Variants in RAB38 observed in about 807,000 individuals in gnomAD.
The protein encoded by RAB38 is RAB38, member RAS oncogene family.
Under a neutral mutation model 18.4 loss-of-function variants are expected in RAB38, and 15 were observed. That is an observed-to-expected ratio of 0.82 (90% CI 0.55 to 1.26). The LOEUF is 1.26. RAB38 is among the 50% of genes most tolerant of loss of function. The pLI, the probability that RAB38 is intolerant of heterozygous loss-of-function variation, is 0.00. For missense variants in RAB38, 294 were observed against 267.4 expected (o/e 1.10, Z -0.69); for synonymous variants, 101 against 104.4 (o/e 0.97, Z 0.20).
the RAB38 span, among the ~76,000 whole-genome samples, chr11:87,866,890 T>C: frequency 6.6e-6 from 1 of 151,722 alleles, no homozygotes; most frequent in South Asian, 2.1e-4. Flanking sequence ...GGAGACTTGG[T>C]CAAGTTGGAG....
the RAB38 span, among the ~76,000 whole-genome samples, chr11:87,953,579 AT>A: frequency 6.6e-6 from 1 of 151,970 alleles, no homozygotes; most frequent in African/African-American, 2.4e-5. Flanking sequence ...TTACATTATT[AT>A]TATTTATTGT....
the RAB38 span, among the ~76,000 whole-genome samples, chr11:87,947,674 C>T: frequency 0.011 from 1,640 of 152,124 alleles, 28 homozygotes; most frequent in African/African-American, 0.034. Flanking sequence ...GTTTTTGTCA[C>T]GTTTGTCAAA....
rs867811125 is a variant in RAB38 at position 88,168,316 on chromosome 11, C to T, written c.202+6867G>A. Among the ~76,000 whole-genome samples, 5 of 152,150 alleles carry T rather than the reference C, an allele frequency of 3.3e-5. No homozygotes were observed. The South Asian group carries it at 1.0e-3, about 32-fold the overall frequency. On this transcript the variant is annotated intron_variant, in intron 1 of 2. Transcript: ENST00000243662. ...TTTAATTTGGCATATATGACCTTTC[C>T]TAATTTGTCTGCCGCATCCCTCTTA...
the RAB38 span, among the ~76,000 whole-genome samples, chr11:88,021,556 G>C: frequency 2.0e-5 from 3 of 149,296 alleles, no homozygotes; most frequent in African/African-American, 7.4e-5. Context: ...TAAAAATAGA[G>C]AAAGATAATT....
chr11:88,112,778 C>T (rs955442404), downstream of RAB38, among the ~76,000 whole-genome samples: 3 of 135,782 alleles, frequency 2.2e-5, no homozygotes, highest in African/African-American at 3.1e-5. Flanking sequence ...GTCTCAACAA[C>T]AACAACAACA....
the RAB38 span, among the ~76,000 whole-genome samples, chr11:87,958,248 T>C: frequency 1.3e-5 from 2 of 152,170 alleles, no homozygotes; most frequent in Non-Finnish European, 2.9e-5. Flanking sequence ...TGTGAGCACA[T>C]ATAAGTAGGC....
At chr11:88,082,242 G>A in the RAB38 span, among the ~76,000 whole-genome samples, 1 of 151,752 alleles carries the variant, frequency 6.6e-6, no homozygotes, top group South Asian at 2.1e-4. Flanking sequence ...AAGCTAAGGA[G>A]AGTCTACTAA....
chr11:87,904,408 A>G, the RAB38 span, among the ~76,000 whole-genome samples: 4 of 151,844 alleles, frequency 2.6e-5, no homozygotes, highest in Non-Finnish European at 4.4e-5. Context: ...ATGTTGCTGC[A>G]AAGGACATGA....
At chr11:87,843,126 G>T in the RAB38 span, among the ~76,000 whole-genome samples, 40 of 152,282 alleles carry the variant, frequency 2.6e-4, no homozygotes, top group South Asian at 8.3e-4. Flanking sequence ...GCACTGAGAG[G>T]TGGGCGCACA....
chr11:87,926,015 C>A, the RAB38 span, among the ~76,000 whole-genome samples: 1 of 151,926 alleles, frequency 6.6e-6, no homozygotes, highest in African/African-American at 2.4e-5. Context: ...GCCCCTCTAC[C>A]TCTACCAATT....
At chr11:88,114,564 G>T (rs34483622) in intron 2 of RAB38, among the ~76,000 whole-genome samples, 13,843 of 152,212 alleles carry the variant, frequency 0.091, 1,202 homozygotes, top group African/African-American at 0.23. Flanking sequence ...TTTATAGTAT[G>T]CATTAATGGT....
the RAB38 span, among the ~76,000 whole-genome samples, chr11:87,968,928 G>A: frequency 6.6e-6 from 1 of 152,062 alleles, no homozygotes; most frequent in African/African-American, 2.4e-5. Context: ...GGTGAGGAAT[G>A]GGAAATTAAT....
the RAB38 span, chr11:87,879,592 C>T: frequency 1.3e-5 from 2 of 151,740 alleles, no homozygotes; most frequent in African/African-American, 4.8e-5. Flanking sequence ...GTGAGAACCT[C>T]TGTGTGCTCG....
the RAB38 span, among the ~76,000 whole-genome samples, chr11:88,054,120 A>G: frequency 6.6e-6 from 1 of 152,210 alleles, no homozygotes; most frequent in Non-Finnish European, 1.5e-5. Context: ...TAAAGCACAC[A>G]CCCAGCCACA....
At chr11:87,939,975 A>G in the RAB38 span, among the ~76,000 whole-genome samples, 1 of 152,222 alleles carries the variant, frequency 6.6e-6, no homozygotes, top group East Asian at 1.9e-4. Flanking sequence ...AGCAAATTAA[A>G]TCCAAAAAAG....
the RAB38 span, among the ~76,000 whole-genome samples, chr11:87,958,905 G>A: frequency 6.6e-6 from 1 of 152,090 alleles, no homozygotes; most frequent in Non-Finnish European, 1.5e-5. Flanking sequence ...TGATTAGAGA[G>A]GAATTTGTTT....
the RAB38 span, among the ~76,000 whole-genome samples, chr11:88,105,154 A>G: frequency 6.6e-6 from 1 of 152,162 alleles, no homozygotes; most frequent in African/African-American, 2.4e-5. Flanking sequence ...ATATAAATTA[A>G]TATACACCTT....
At chr11:87,871,401 T>A in the RAB38 span, among the ~76,000 whole-genome samples, 4 of 151,632 alleles carry the variant, frequency 2.6e-5, no homozygotes, top group Non-Finnish European at 5.9e-5. Flanking sequence ...AAATATATGT[T>A]ACGTGATAAG....
chr11:87,830,730 T>C, the RAB38 span, among the ~76,000 whole-genome samples: 6 of 152,100 alleles, frequency 3.9e-5, no homozygotes, highest in Non-Finnish European at 8.8e-5. Flanking sequence ...ATATCAAATA[T>C]ATTAGATATT....
Sources: allele counts gnomAD v4.1 joint callset (sites outside exome capture counted in the v4.1 genomes callset), GRCh38; gene constraint gnomAD v4.1.1; transcripts MANE v1.5; gene names NCBI Gene and HGNC (gene_info 2026-07-23, HGNC 2026-07-21).